RS1: variants seen among roughly 807,000 people sequenced by gnomAD.
The protein encoded by RS1 is retinoschisin.
A neutral mutation model predicts 20.8 loss-of-function variants in RS1; 2 were observed. The ratio of observed to expected loss-of-function variants is 0.10; its 90% CI spans 0.04 to 0.30. RS1 has a LOEUF of 0.30. Among genes scored for constraint, RS1 ranks in the 10% least tolerant of loss-of-function variants. The pLI, the probability that RS1 is intolerant of heterozygous loss-of-function variation, is 1.00. For synonymous variants in RS1, 70 were observed against 75.8 expected, an observed-to-expected ratio of 0.92 and a Z score of 0.40; for missense variants, 151 against 189.8, an observed-to-expected ratio of 0.80 and a Z score of 1.20.
At chrX:18,643,662 C>T (rs904747228) in intron 5 of RS1, among the ~76,000 whole-genome samples, 1 of 111,886 alleles carries the variant, frequency 8.9e-6, no homozygotes, top group African/African-American at 3.2e-5. Context: ...CTTGGCCGTA[C>T]AAATTGTCAT....
chrX:18,656,454 A>G (rs1372530418), intron 3 of RS1, among the ~76,000 whole-genome samples, 199 bp downstream of exon 3: 1 of 112,308 alleles, frequency 8.9e-6, no homozygotes, highest in Non-Finnish European at 1.9e-5. Flanking sequence ...TTCGAAGCTC[A>G]GAGGCCAACT....
intron 1 of RS1, among the ~76,000 whole-genome samples, chrX:18,660,553 G>A (rs1389914281): frequency 3.6e-5 from 4 of 111,403 alleles, no homozygotes; most frequent in Non-Finnish European, 7.5e-5. Context: ...TTTCTTTTCT[G>A]ATGATAAAAA....
chrX:18,668,831 G>C (rs367953216), intron 1 of RS1, among the ~76,000 whole-genome samples: 14 of 112,103 alleles, frequency 1.2e-4, no homozygotes, highest in African/African-American at 4.5e-4. Context: ...GCTGGGGGAG[G>C]GGGGAGACAG....
intron 2 of RS1, among the ~76,000 whole-genome samples, chrX:18,657,217 C>CTTTTTTTTTTTTTTTT (rs749358875): frequency 3.1e-5 from 2 of 65,138 alleles, no homozygotes; most frequent in African/African-American, 6.2e-5. Context: ...AAAAAAAATA[C>CTTTTTTTTTTTTTTTT]TTTTTTTTTT....
In RS1 at chrX:18,657,658, C is replaced by T; in HGVS notation, c.60G>A (p.Leu20=). 1.7e-6 allele frequency: 2 copies of T among 1,196,783 alleles called. No individual in the cohort carries two copies. Among genetic ancestry groups the T allele is most frequent in the East Asian group, 5.9e-5 (2 of 33,786 alleles). The change falls in exon 2 of 6, where the codon TTG becomes TTA. Residue 20 remains leucine (L), a synonymous_variant. Transcript: ENST00000379984. ...LLLLFGYEAT[L]GLSSTEDEGE... Reference sequence around the variant, plus strand: ...TACATACCTCGGTAGACGATAATCCCAATGTGGCTAAAGCAAAAGGATGAG... The same window carrying T: ...TACATACCTCGGTAGACGATAATCCTAATGTGGCTAAAGCAAAAGGATGAG...
chrX:18,653,963 G>A (rs774057835), intron 3 of RS1, among the ~76,000 whole-genome samples: 10 of 107,257 alleles, frequency 9.3e-5, no homozygotes, highest in Admixed American at 4.0e-4. Context: ...GTGAGATTCC[G>A]TCTCAAAAAA....
chrX:18,651,164 G>T (rs1928015152), intron 3 of RS1, among the ~76,000 whole-genome samples: 1 of 95,807 alleles, frequency 1.0e-5, no homozygotes, highest in Non-Finnish European at 2.1e-5. Flanking sequence ...AGAGAATGAG[G>T]CCAGCTTCAT....
Position 18,672,075 on chromosome X carries a change from C to T in RS1, c.-7G>A. ...CTTCTATCTTGCGTGACATCTTCCC[C>T]TCGTCCTCGGCCAAAGCTCTACCTT... On this transcript the variant is annotated 5_prime_UTR_variant, in exon 1 of 6. Coordinates refer to ENST00000379984, the MANE Select transcript of RS1 (RefSeq NM_000330.4). 8.3e-7 allele frequency: 1 copy of T among 1,209,093 alleles called. No individual in the cohort carries two copies. Among genetic ancestry groups the T allele is most frequent in the Non-Finnish European group, 1.1e-6 (1 of 893,562 alleles).
At position 18,640,422 on chromosome X, in the gene RS1, A is replaced by G. The variant is rs1218017698; in HGVS notation, c.*1582T>C. 1 of 85,768 alleles carries G rather than the reference A, an allele frequency of 1.2e-5. No homozygotes were observed. Among genetic ancestry groups the G allele is most frequent in the African/African-American group, 4.4e-5 (1 of 22,615 alleles). The allele number at this position is 85,768 out of a possible 1,213,427, so 7.1% of individuals were successfully genotyped here. ...TTTGTCCTGTGTCCTAAGGCCAGGG[A>G]TAAGTCCCCCCACCCCCCCCCCCCA... On this transcript the variant is annotated 3_prime_UTR_variant, in exon 6 of 6. Coordinates refer to ENST00000379984, the MANE Select transcript of RS1 (RefSeq NM_000330.4).
At chrX:18,667,516 C>T (rs1443334624) in intron 1 of RS1, among the ~76,000 whole-genome samples, 2 of 105,534 alleles carry the variant, frequency 1.9e-5, no homozygotes, top group Non-Finnish European at 3.9e-5. Flanking sequence ...CACTGCACTC[C>T]ACCCTGAGCA....
intron 3 of RS1, chrX:18,647,692 A>G: frequency 4.5e-6 from 1 of 223,145 alleles, no homozygotes; most frequent in Non-Finnish European, 8.2e-6. Context: ...ACCATATTTA[A>G]ATGCCATACA....
At chrX:18,669,607 G>A (rs1928461213) in intron 1 of RS1, among the ~76,000 whole-genome samples, 1 of 111,231 alleles carries the variant, frequency 9.0e-6, no homozygotes, top group South Asian at 3.8e-4. Flanking sequence ...ACTGTAATGA[G>A]GAGACACTGC....
intron 1 of RS1, among the ~76,000 whole-genome samples, chrX:18,667,645 A>T (rs1031600159): frequency 9.0e-6 from 1 of 110,600 alleles, no homozygotes; most frequent in East Asian, 2.8e-4. Flanking sequence ...AACCAAATCC[A>T]CTTGGCTCAA....
intron 1 of RS1, among the ~76,000 whole-genome samples, chrX:18,669,161 G>A (rs1202361584): frequency 9.0e-6 from 1 of 110,941 alleles, no homozygotes; most frequent in Non-Finnish European, 1.9e-5. Context: ...AATCCAATAT[G>A]TGCGGTGTAA....
At chrX:18,664,312 C>G (rs1053657973) in intron 1 of RS1, among the ~76,000 whole-genome samples, 1 of 112,393 alleles carries the variant, frequency 8.9e-6, no homozygotes, top group Admixed American at 9.4e-5. Context: ...GAAGCAGATA[C>G]ACCACATGGA....
intron 3 of RS1, among the ~76,000 whole-genome samples, chrX:18,648,446 T>C (rs1307232592): frequency 1.8e-5 from 2 of 109,971 alleles, no homozygotes; most frequent in Non-Finnish European, 3.8e-5. Context: ...TTTGCCATGT[T>C]CCCCAGGCTG....
intron 1 of RS1, among the ~76,000 whole-genome samples, chrX:18,663,336 C>CTT (rs56314934): frequency 7.1e-4 from 20 of 28,287 alleles, no homozygotes; most frequent in African/African-American, 2.0e-3. Flanking sequence ...CTGTGCCTGG[C>CTT]TTTTTTTTTT....
At chrX:18,657,432 A>G (rs938847681) in intron 2 of RS1, among the ~76,000 whole-genome samples, 9 of 109,489 alleles carry the variant, frequency 8.2e-5, no homozygotes, top group African/African-American at 3.0e-4. Context: ...CATGTTGGCG[A>G]GGCTGGTCTC....
chrX:18,645,089 T>C (rs1186975664), intron 4 of RS1, among the ~76,000 whole-genome samples: 1 of 112,553 alleles, frequency 8.9e-6, no homozygotes, highest in Non-Finnish European at 1.9e-5. Context: ...CACTGACCCA[T>C]GTGGATCTAG....
Sources: allele counts gnomAD v4.1 joint callset (sites outside exome capture counted in the v4.1 genomes callset), GRCh38; gene constraint gnomAD v4.1.1; transcripts MANE v1.5; gene names NCBI Gene and HGNC (gene_info 2026-07-23, HGNC 2026-07-21).